Variants in CA10 observed in about 807,000 individuals in gnomAD.
CA10 encodes the protein carbonic anhydrase-related protein 10.
Under a neutral mutation model 44.2 loss-of-function variants are expected in CA10, and 14 were observed. The ratio of observed to expected loss-of-function variants is 0.32; its 90% CI spans 0.21 to 0.50. CA10 has a LOEUF of 0.50. Among genes scored for constraint, CA10 ranks in the 20% least tolerant of loss-of-function variants. The pLI is 0.99. For missense variants in CA10, 350 were observed against 409.7 expected (o/e 0.85, Z 1.26); for synonymous variants, 159 against 141.6 (o/e 1.12, Z -0.87).
intron 3 of CA10, among the ~76,000 whole-genome samples, chr17:51,811,445 C>A (rs1435739079): frequency 1.3e-5 from 2 of 152,178 alleles, no homozygotes; most frequent in Non-Finnish European, 2.9e-5. Flanking sequence ...CTCCAGCCCC[C>A]TCCCGACAGG....
At chr17:51,704,014 G>A (rs1024193307) in intron 4 of CA10, among the ~76,000 whole-genome samples, 3 of 152,190 alleles carry the variant, frequency 2.0e-5, no homozygotes, top group African/African-American at 4.8e-5. Flanking sequence ...GAAAGGTTAT[G>A]AAGTATGGTT....
intron 1 of CA10, among the ~76,000 whole-genome samples, chr17:52,149,459 T>C (rs1368544487): frequency 1.3e-5 from 2 of 152,178 alleles, no homozygotes; most frequent in Admixed American, 1.3e-4. Flanking sequence ...ACCAGCCCAA[T>C]CTTGCTAATA....
At chr17:51,797,507 C>A (rs930682640) in intron 3 of CA10, among the ~76,000 whole-genome samples, 12 of 152,082 alleles carry the variant, frequency 7.9e-5, no homozygotes, top group African/African-American at 2.9e-4. Flanking sequence ...GGCCCCACCA[C>A]CCCTGGCATA....
chr17:51,781,456 G>C (rs1210334750), intron 3 of CA10, among the ~76,000 whole-genome samples: 2 of 152,208 alleles, frequency 1.3e-5, no homozygotes, highest in Non-Finnish European at 2.9e-5. Context: ...ATAAGGAAAA[G>C]AGATGCTATT....
chr17:52,136,321 G>A (rs1989357117), intron 1 of CA10, among the ~76,000 whole-genome samples: 1 of 152,194 alleles, frequency 6.6e-6, no homozygotes, highest in Non-Finnish European at 1.5e-5. Flanking sequence ...CAGACCATTA[G>A]CATTAGAAAA....
chr17:51,870,511 T>A (rs920317999), intron 3 of CA10, among the ~76,000 whole-genome samples: 9 of 152,184 alleles, frequency 5.9e-5, no homozygotes, highest in African/African-American at 2.2e-4. Flanking sequence ...TTGTTGAGAA[T>A]AATAAAACAG....
intron 3 of CA10, among the ~76,000 whole-genome samples, chr17:51,844,249 T>C (rs1016535662): frequency 2.0e-5 from 3 of 152,144 alleles, no homozygotes; most frequent in African/African-American, 4.8e-5. Flanking sequence ...GGAATATTGA[T>C]AAAATACTTG....
At chr17:51,883,790 C>T (rs1188986215) in intron 3 of CA10, among the ~76,000 whole-genome samples, 1 of 152,134 alleles carries the variant, frequency 6.6e-6, no homozygotes, top group Non-Finnish European at 1.5e-5. Context: ...TAAATATCAT[C>T]TATGTTAAAT....
At chr17:51,665,859 C>A (rs1046133630) in intron 4 of CA10, among the ~76,000 whole-genome samples, 2 of 152,152 alleles carry the variant, frequency 1.3e-5, no homozygotes, top group Non-Finnish European at 2.9e-5. Context: ...GAATTGAAAC[C>A]AAATATTTAA....
chr17:52,146,916 G>C (rs1393820288), intron 1 of CA10, among the ~76,000 whole-genome samples: 3 of 151,952 alleles, frequency 2.0e-5, no homozygotes, highest in African/African-American at 7.2e-5. Context: ...ACTAAATACA[G>C]AATTTTTTTT....
At chr17:51,756,876 C>T (rs893265784) in intron 3 of CA10, among the ~76,000 whole-genome samples, 3 of 152,058 alleles carry the variant, frequency 2.0e-5, no homozygotes, top group Non-Finnish European at 2.9e-5. Context: ...TTAATGTATC[C>T]AGACCTGGTC....
At chr17:51,716,208 C>T (rs1280614025) in intron 4 of CA10, among the ~76,000 whole-genome samples, 1 of 152,152 alleles carries the variant, frequency 6.6e-6, no homozygotes, top group Non-Finnish European at 1.5e-5. Context: ...TCCCCTGGGT[C>T]ACCTTACTCA....
At chr17:51,710,810 C>T (rs1053243043) in intron 4 of CA10, among the ~76,000 whole-genome samples, 1 of 151,626 alleles carries the variant, frequency 6.6e-6, no homozygotes, top group South Asian at 2.1e-4. Context: ...GCTGGCTCCG[C>T]GATTTCAAAA....
chr17:51,850,773 C>T (rs1978760101), intron 3 of CA10, among the ~76,000 whole-genome samples: 1 of 152,196 alleles, frequency 6.6e-6, no homozygotes, highest in African/African-American at 2.4e-5. Context: ...ATGTGTTGAG[C>T]AAGTGAGTGA....
Position 51,887,438 on chromosome 17 carries a change from G to A in CA10, c.279+43552C>T, listed in dbSNP as rs571376067. Reference sequence around the variant, plus strand: ...AGTAGAAACTCTGGGCAGCCATTCAGTATACTTTTCAGCAACCCAGAACTA... The same window carrying A: ...AGTAGAAACTCTGGGCAGCCATTCAATATACTTTTCAGCAACCCAGAACTA... On this transcript the variant is annotated intron_variant, in intron 3 of 8. Transcript: ENST00000451037. Among the ~76,000 whole-genome samples, 5 of 152,308 alleles carry A rather than the reference G, an allele frequency of 3.3e-5. No homozygotes were observed. The East Asian group carries it at 9.7e-4, about 29-fold the overall frequency.
chr17:51,925,934 G>A lies in CA10; in HGVS notation c.279+5056C>T, dbSNP rs192731391. Among the ~76,000 whole-genome samples, 426 of 152,242 alleles carry A rather than the reference G, an allele frequency of 2.8e-3. 5 individuals are homozygous for A. Among genetic ancestry groups the A allele is most frequent in the Non-Finnish European group, 2.1e-3 (145 of 68,020 alleles). On this transcript the variant is annotated intron_variant, in intron 3 of 8. Transcript: ENST00000451037. ...TAGGACAGAGGTTACCAGGGGCTGA[G>A]GGGGATGGAAAATGGGGAGTTCTTG...
chr17:51,969,861 AAAATTATGCTCTGAG>A (rs1984217083), intron 2 of CA10, among the ~76,000 whole-genome samples: 1 of 152,052 alleles, frequency 6.6e-6, no homozygotes, highest in African/African-American at 2.4e-5. Flanking sequence ...AAATAAAATA[AAAATTATGCTCTGAG>A]AAACTACCCT....
At chr17:52,083,115 A>G (rs142581208) in intron 1 of CA10, among the ~76,000 whole-genome samples, 46 of 152,306 alleles carry the variant, frequency 3.0e-4, no homozygotes, top group African/African-American at 1.1e-3. Flanking sequence ...TTAAACTACA[A>G]TTGGAAATAA....
chr17:51,950,553 G>A (rs1231237357), intron 2 of CA10, among the ~76,000 whole-genome samples: 1 of 152,050 alleles, frequency 6.6e-6, no homozygotes, highest in Non-Finnish European at 1.5e-5. Flanking sequence ...ACCTCCTATT[G>A]GGTGTCCTTC....
Sources: gnomAD v4.1 joint callset for allele counts (sites outside exome capture counted in the v4.1 genomes callset) on GRCh38, gnomAD v4.1.1 for gene constraint, MANE v1.5 for transcripts, NCBI Gene and HGNC (gene_info 2026-07-23, HGNC 2026-07-21) for gene names.